The following CNTNAP2 variants were observed in gnomAD, a reference collection of about 807,000 sequenced individuals.
CNTNAP2 encodes contactin-associated protein-like 2.
CNTNAP2 carries 98 observed loss-of-function variants against 155.2 expected under a neutral mutation model. The ratio of observed to expected loss-of-function variants is 0.63; its 90% CI spans 0.54 to 0.75. The LOEUF is 0.75. Among genes scored for constraint, CNTNAP2 ranks in the 30% least tolerant of loss-of-function variants. The pLI, the probability that CNTNAP2 is intolerant of heterozygous loss-of-function variation, is 0.00. For synonymous variants in CNTNAP2, 651 were observed against 631.2 expected, an observed-to-expected ratio of 1.03 and a Z score of -0.47; for missense variants, 1,727 against 1,688.1, an observed-to-expected ratio of 1.02 and a Z score of -0.40.
At position 148,217,317 on chromosome 7, in the gene CNTNAP2, T is replaced by C. The variant is rs796052390; in HGVS notation, c.3040T>C (p.Trp1014Arg). Residue 1014 changes from tryptophan to arginine, a missense_variant, in exon 19 of 24, where the codon TGG (tryptophan) becomes CGG (arginine). Coordinates refer to ENST00000361727, the MANE Select transcript of CNTNAP2 (RefSeq NM_014141.6). ...DVGAFFEEGM[W>R]LRYNFQAPAT... ...TGGTGCATTTTTTGAAGAAGGGATG[T>C]GGCTACGATATAACTTTCAGGCACC... is the stretch of plus-strand genomic sequence containing the variant. 1.2e-6 allele frequency: 2 copies of C among 1,614,104 alleles called. No homozygotes were observed. The highest frequency in any genetic ancestry group is 1.7e-6 in the Non-Finnish European group (2 of 1,180,000).
rs570031519 is a variant in CNTNAP2 at position 146,956,898 on chromosome 7, A to G, written c.403-87009A>G. On this transcript the variant is annotated intron_variant, in intron 3 of 23. Coordinates refer to ENST00000361727, the MANE Select transcript of CNTNAP2 (RefSeq NM_014141.6). ...ATTAAACTTAAGGGGATTTAACTGT[A>G]TTCCCATTAAGAGAAAAAGATTAAA... Among the ~76,000 whole-genome samples the G allele has an allele frequency of 2.5e-4, 38 of 152,290 alleles. 1 individual carries two copies. The South Asian group carries it at 7.3e-3, about 29-fold the overall frequency.
intron 3 of CNTNAP2, among the ~76,000 whole-genome samples, chr7:147,002,944 C>CAAAAAAAAAAAAAAAA (rs773401142): frequency 5.7e-5 from 3 of 52,932 alleles, no homozygotes; most frequent in African/African-American, 1.4e-4. Context: ...ATGTTCCTTC[C>CAAAAAAAAAAAAAAAA]AAAAAAAAAA....
intron 9 of CNTNAP2, among the ~76,000 whole-genome samples, chr7:147,334,477 G>T (rs985609060): frequency 6.6e-6 from 1 of 152,194 alleles, no homozygotes; most frequent in South Asian, 2.1e-4. Context: ...GGAGTAACAG[G>T]CACTTATAAC....
chr7:146,795,496 A>G (rs1237176929), intron 2 of CNTNAP2, among the ~76,000 whole-genome samples: 1 of 152,248 alleles, frequency 6.6e-6, no homozygotes, highest in Non-Finnish European at 1.5e-5. Context: ...ATGGAGAAGT[A>G]AAGTCAGTGT....
intron 8 of CNTNAP2, among the ~76,000 whole-genome samples, chr7:147,196,747 A>C (rs73156430): frequency 6.6e-6 from 1 of 152,312 alleles, no homozygotes; most frequent in Non-Finnish European, 1.5e-5. Flanking sequence ...AGTATCACAA[A>C]TTACAGAATG....
intron 13 of CNTNAP2, among the ~76,000 whole-genome samples, chr7:147,867,942 A>G (rs1428191965): frequency 1.3e-5 from 2 of 152,204 alleles, no homozygotes; most frequent in African/African-American, 2.4e-5. Context: ...TCTGAAGCCT[A>G]CTTCTGTCAG....
intron 1 of CNTNAP2, among the ~76,000 whole-genome samples, chr7:146,309,716 G>A (rs1214320588): frequency 6.6e-6 from 1 of 151,818 alleles, no homozygotes; most frequent in Non-Finnish European, 1.5e-5. Context: ...CAGGAGACTC[G>A]CTTGAACCCT....
At chr7:148,343,653 CA>C (rs1798272702) in intron 21 of CNTNAP2, among the ~76,000 whole-genome samples, 1 of 152,176 alleles carries the variant, frequency 6.6e-6, no homozygotes, top group East Asian at 1.9e-4. Context: ...TGCTGAAAAA[CA>C]GAGACAAGAA....
intron 12 of CNTNAP2, among the ~76,000 whole-genome samples, chr7:147,599,618 G>A (rs935873588): frequency 6.6e-6 from 1 of 151,910 alleles, no homozygotes; most frequent in Non-Finnish European, 1.5e-5. Flanking sequence ...AGTTTCTGGG[G>A]AAAAAAATCT....
chr7:147,403,926 C>T (rs1035778109), intron 10 of CNTNAP2, among the ~76,000 whole-genome samples: 2 of 152,100 alleles, frequency 1.3e-5, no homozygotes, highest in East Asian at 1.9e-4. Flanking sequence ...CCCTCTAGGT[C>T]GGACACCTCC....
At chr7:148,370,016 T>C (rs1798857947) in intron 21 of CNTNAP2, among the ~76,000 whole-genome samples, 1 of 152,184 alleles carries the variant, frequency 6.6e-6, no homozygotes, top group Non-Finnish European at 1.5e-5. Context: ...AAAGATTTGC[T>C]AGGCTGTCTT....
At chr7:146,581,930 A>C (rs1487250414) in intron 1 of CNTNAP2, among the ~76,000 whole-genome samples, 2 of 152,136 alleles carry the variant, frequency 1.3e-5, no homozygotes, top group Non-Finnish European at 2.9e-5. Context: ...GGATATTCTG[A>C]CCACGAGGAG....
chr7:146,156,048 A>C (rs1798121290), intron 1 of CNTNAP2, among the ~76,000 whole-genome samples: 1 of 152,142 alleles, frequency 6.6e-6, no homozygotes, highest in Non-Finnish European at 1.5e-5. Context: ...GTTTTTTTAT[A>C]TCAGTCATCC....
At chr7:146,185,474 A>G (rs1798610077) in intron 1 of CNTNAP2, among the ~76,000 whole-genome samples, 1 of 152,180 alleles carries the variant, frequency 6.6e-6, no homozygotes, top group East Asian at 1.9e-4. Flanking sequence ...AAACACACAA[A>G]TGCTGGCTCT....
At chr7:146,522,934 T>A (rs1797635419) in intron 1 of CNTNAP2, among the ~76,000 whole-genome samples, 1 of 151,888 alleles carries the variant, frequency 6.6e-6, no homozygotes, top group Admixed American at 6.6e-5. Context: ...CATAGGCATC[T>A]CAAGGAAGAA....
intron 8 of CNTNAP2, among the ~76,000 whole-genome samples, chr7:147,137,066 T>G (rs2129286332): frequency 6.6e-6 from 1 of 151,944 alleles, no homozygotes; most frequent in Non-Finnish European, 1.5e-5. Flanking sequence ...TCCATTAAAT[T>G]TAAGTTTTTC....
At chr7:147,374,537 G>T (rs914162424) in intron 9 of CNTNAP2, among the ~76,000 whole-genome samples, 3 of 152,044 alleles carry the variant, frequency 2.0e-5, no homozygotes, top group Admixed American at 6.6e-5. Context: ...GGTTATCAAT[G>T]CCTGTGCATA....
rs983146873 is a variant in CNTNAP2, at chr7:147,395,796, A to G, written c.1670+16A>G. On this transcript the variant is annotated intron_variant, in intron 10 of 23. Transcript: ENST00000361727. ...TCATAGACAGGTAAATGATCTTTTC[A>G]TCCTACCTCACGTTGTCCAAACTTT... 6.2e-6 allele frequency: 10 copies of G among 1,611,130 alleles called. No homozygotes were observed. In the African/African-American group the frequency reaches 9.4e-5, roughly 15 times the overall value.
At chr7:146,516,340 A>C (rs538706363) in intron 1 of CNTNAP2, among the ~76,000 whole-genome samples, 42 of 152,210 alleles carry the variant, frequency 2.8e-4, no homozygotes, top group African/African-American at 9.6e-4. Flanking sequence ...ACACACATTT[A>C]CAGACCAGAA....
Sources: gnomAD v4.1 joint callset for allele counts (sites outside exome capture counted in the v4.1 genomes callset) on GRCh38, gnomAD v4.1.1 for gene constraint, MANE v1.5 for transcripts, NCBI Gene and HGNC (gene_info 2026-07-23, HGNC 2026-07-21) for gene names.